The following TRPM3 variants were observed in gnomAD, a reference collection of about 807,000 sequenced individuals.
TRPM3 encodes long transient receptor potential channel 3.
TRPM3 carries 77 observed loss-of-function variants against 181.2 expected under a neutral mutation model. The observed-to-expected ratio is 0.42, with a 90% confidence interval of 0.35 to 0.51. TRPM3 has a LOEUF of 0.51. TRPM3 is among the 20% of genes least tolerant of loss of function. The pLI is 0.01. For missense variants in TRPM3, 1,759 were observed against 2,196.7 expected (o/e 0.80, Z 3.98); for synonymous variants, 745 against 796.4 (o/e 0.94, Z 1.09).
chr9:70,570,339 C>T (rs547277123), intron 22 of TRPM3, among the ~76,000 whole-genome samples: 22 of 119,640 alleles, frequency 1.8e-4, no homozygotes, highest in Non-Finnish European at 3.0e-4. Flanking sequence ...GACGGATTCT[C>T]GCTTTGTCTC....
At chr9:70,681,666 T>C in intron 8 of TRPM3, 88 bp from the exon 9 acceptor site, 14 of 1,077,540 alleles carry the variant, frequency 1.3e-5, no homozygotes, top group Non-Finnish European at 1.9e-5. Flanking sequence ...GCAGAGACTA[T>C]CTCTATATCT....
intron 7 of TRPM3, among the ~76,000 whole-genome samples, chr9:70,763,787 A>G (rs577125627): frequency 1.9e-4 from 29 of 152,284 alleles, no homozygotes; most frequent in African/African-American, 7.0e-4. Flanking sequence ...CAGCAATTCA[A>G]CCATGATTGT....
At chr9:70,881,043 C>A (rs1394732116) in intron 1 of TRPM3, among the ~76,000 whole-genome samples, 1 of 151,988 alleles carries the variant, frequency 6.6e-6, no homozygotes, top group African/African-American at 2.4e-5. Context: ...TGATGACAAT[C>A]CTGGATTCTT....
Position 70,625,645 on chromosome 9 carries a change from G to A in TRPM3, c.1633-128C>T, listed in dbSNP as rs2064441968. 1.0e-5 allele frequency: 9 copies of A among 888,822 alleles called. No individual in the cohort carries two copies. The South Asian group carries it at 1.2e-4, about 12-fold the overall frequency. 55.1% of individuals were successfully genotyped at this position (888,822 alleles called of 1,614,324 possible). A position where few individuals can be genotyped will look rare whatever the true frequency, so the allele number is the denominator to read the frequency against. ...CCAGTGTAGAAGAAAGAAACACAAG[G>A]CTAGACAGGGCAAATGCTATCACTC... On this transcript the variant is annotated intron_variant, in intron 12 of 25. Coordinates refer to ENST00000677713, the MANE Select transcript of TRPM3 (RefSeq NM_001366145.2). This position sits in a 1 kb window ranked among gnomAD's most constrained non-coding sequence, Gnocchi z 4.8.
intron 8 of TRPM3, among the ~76,000 whole-genome samples, chr9:70,686,825 C>CTTTTT (rs541527387): frequency 4.0e-5 from 3 of 75,000 alleles, no homozygotes; most frequent in East Asian, 4.4e-4. Flanking sequence ...TTTTCTTTTT[C>CTTTTT]TTTTTTTTTT....
chr9:71,395,989 T>C (rs1199428265), intron 1 of TRPM3, among the ~76,000 whole-genome samples: 2 of 151,856 alleles, frequency 1.3e-5, no homozygotes, highest in African/African-American at 4.8e-5. Flanking sequence ...TTAGAAAAGC[T>C]AAAAAAGCAA....
At chr9:70,626,158 CTTA>C (rs2064555116) in intron 12 of TRPM3, among the ~76,000 whole-genome samples, 1 of 152,020 alleles carries the variant, frequency 6.6e-6, no homozygotes, top group African/African-American at 2.4e-5. Flanking sequence ...TAAAGATTTT[CTTA>C]TTATTTACTC....
intron 8 of TRPM3, among the ~76,000 whole-genome samples, chr9:70,742,363 T>C (rs2074312312): frequency 6.6e-6 from 1 of 152,140 alleles, no homozygotes; most frequent in East Asian, 1.9e-4. Context: ...TGTTTTGATA[T>C]ATATAATGTA....
intron 8 of TRPM3, among the ~76,000 whole-genome samples, chr9:70,689,472 T>C (rs1002902802): frequency 1.3e-5 from 2 of 151,772 alleles, no homozygotes; most frequent in African/African-American, 4.8e-5. Context: ...GTTAGTGTTA[T>C]GCTGTAGGTC....
At chr9:70,912,702 T>A (rs1287970711) in intron 1 of TRPM3, among the ~76,000 whole-genome samples, 1 of 152,136 alleles carries the variant, frequency 6.6e-6, no homozygotes, top group African/African-American at 2.4e-5. Context: ...AGAGAAAGCC[T>A]GGAAAACACA....
At chr9:71,310,661 A>G (rs1307473822) in intron 1 of TRPM3, among the ~76,000 whole-genome samples, 1 of 152,146 alleles carries the variant, frequency 6.6e-6, no homozygotes. Context: ...TATTATGTGT[A>G]GCTCCTACTG....
At chr9:71,262,207 C>G (rs1209984777) in intron 1 of TRPM3, among the ~76,000 whole-genome samples, 2 of 152,166 alleles carry the variant, frequency 1.3e-5, no homozygotes, top group Non-Finnish European at 2.9e-5. Flanking sequence ...TTCAGAGATG[C>G]CCTGTCCAGA....
chr9:70,618,405 T>A (rs11142509), intron 17 of TRPM3, among the ~76,000 whole-genome samples: 29,169 of 152,168 alleles, frequency 0.19, 3,286 homozygotes, highest in South Asian at 0.29. Flanking sequence ...TCCAAGTAGA[T>A]CTATCTCAGT....
At chr9:71,212,918 C>T (rs1404988141) in intron 1 of TRPM3, among the ~76,000 whole-genome samples, 1 of 152,058 alleles carries the variant, frequency 6.6e-6, no homozygotes, top group African/African-American at 2.4e-5. Flanking sequence ...AGTTTACAGG[C>T]ATACATTCTG....
At chr9:70,987,702 T>C (rs943311836) in intron 1 of TRPM3, among the ~76,000 whole-genome samples, 4 of 152,104 alleles carry the variant, frequency 2.6e-5, no homozygotes, top group Admixed American at 2.0e-4. Context: ...TAGTAATCGA[T>C]TGACTAGGAG....
intron 7 of TRPM3, among the ~76,000 whole-genome samples, chr9:70,783,525 A>C (rs139554783): frequency 1.3e-5 from 2 of 152,274 alleles, no homozygotes; most frequent in African/African-American, 4.8e-5. Flanking sequence ...TAGCATTAAG[A>C]GCCTAACAGA....
At chr9:70,696,806 C>A (rs1040785549) in intron 8 of TRPM3, among the ~76,000 whole-genome samples, 15 of 152,040 alleles carry the variant, frequency 9.9e-5, no homozygotes, top group Non-Finnish European at 1.5e-4. Flanking sequence ...TCACAAAGGT[C>A]ATTTATCAGA....
intron 25 of TRPM3, among the ~76,000 whole-genome samples, chr9:70,545,941 A>C (rs2044759793): frequency 6.6e-6 from 1 of 152,154 alleles, no homozygotes. Flanking sequence ...GTTCAAATCA[A>C]GGTTGGGTGT....
chr9:71,059,917 G>A (rs1015200867), intron 1 of TRPM3, among the ~76,000 whole-genome samples: 3 of 151,984 alleles, frequency 2.0e-5, no homozygotes, highest in South Asian at 2.1e-4. Context: ...GACTACAAGG[G>A]GTCTGGAAAC....
Sources: allele counts gnomAD v4.1 joint callset (sites outside exome capture counted in the v4.1 genomes callset), GRCh38; gene constraint gnomAD v4.1.1; non-coding constraint Gnocchi (gnomAD v3.1); transcripts MANE v1.5; gene names NCBI Gene and HGNC (gene_info 2026-07-23, HGNC 2026-07-21).